The following GTPBP10 variants were observed in gnomAD, a reference collection of about 807,000 sequenced individuals.
The protein encoded by GTPBP10 is GTP-binding protein 10.
GTPBP10 carries 38 observed loss-of-function variants against 44.8 expected under a neutral mutation model. The observed-to-expected ratio is 0.85, with a 90% confidence interval of 0.65 to 1.11. The LOEUF (loss-of-function observed/expected upper bound fraction) is 1.11. GTPBP10 is among the 50% of genes most tolerant of loss of function. The probability of loss-of-function intolerance (pLI) is 0.00; values close to 1 mark genes in which losing one functional copy is unlikely to be tolerated. For missense variants in GTPBP10, 462 were observed against 453.7 expected (o/e 1.02, Z -0.17); for synonymous variants, 152 against 150.6 (o/e 1.01, Z -0.07).
intron 4 of GTPBP10, among the ~76,000 whole-genome samples, chr7:90,357,460 A>T (rs1289809675): frequency 6.6e-6 from 1 of 152,192 alleles, no homozygotes; most frequent in Non-Finnish European, 1.5e-5. Context: ...AACCTCACAT[A>T]ATTTTATTTT....
At chr7:90,349,668 A>G (rs562165728) in intron 1 of GTPBP10, among the ~76,000 whole-genome samples, 2 of 152,322 alleles carry the variant, frequency 1.3e-5, no homozygotes, top group South Asian at 2.1e-4. Context: ...TTTGCACAAT[A>G]CAGTAGGGTT....
In GTPBP10 at chr7:90,388,265, A is replaced by G. The variant is rs912199293; in HGVS notation, c.*3111A>G. On this transcript the variant is annotated 3_prime_UTR_variant, in exon 10 of 10. Coordinates refer to ENST00000222511, the MANE Select transcript of GTPBP10 (RefSeq NM_033107.4). The stretch of plus-strand genomic sequence containing the variant: ...AGTCTTTTAACATTATCTCAGATGC[A>G]TTTTATTTTGTCCTTAAGTAAGACT... 2.6e-5 allele frequency: 4 copies of G among 152,168 alleles called. No homozygotes were observed. The highest frequency in any genetic ancestry group is 6.5e-5 in the Admixed American group (1 of 15,280). The allele number at this position is 152,168 out of a possible 1,614,324, so 9.4% of individuals were successfully genotyped here.
rs1796361923 is a variant in GTPBP10, at chr7:90,377,564, G to C, written c.649G>C (p.Gly217Arg). ...IEGAHMNKGM[G>R]HKFLKHIERT... ...AGGAGCACATATGAACAAAGGAATG[G>C]GCCACAAATTCCTCAAGCATATAGA... Residue 217 changes from glycine to arginine, a missense_variant, in exon 7 of 10, where the codon GGC becomes CGC. Physicochemically the swap from Gly to Arg is moderately radical, Grantham distance 125. Coordinates refer to ENST00000222511, the MANE Select transcript of GTPBP10 (RefSeq NM_033107.4). 1 of 1,611,284 alleles carries C rather than the reference G, an allele frequency of 6.2e-7. No homozygotes were observed. The highest frequency in any genetic ancestry group is 8.5e-7 in the Non-Finnish European group (1 of 1,178,516).
intron 8 of GTPBP10, among the ~76,000 whole-genome samples, chr7:90,378,963 A>C (rs1170210927): frequency 2.0e-5 from 3 of 152,192 alleles, no homozygotes; most frequent in Non-Finnish European, 2.9e-5. Flanking sequence ...TTGGCCTCCC[A>C]GAGTGTTGGG....
chr7:90,372,357 A>G lies in GTPBP10; in HGVS notation c.538+129A>G, dbSNP rs17867280. 1,698 of 612,330 alleles carry G rather than the reference A, an allele frequency of 2.8e-3. 18 individuals carry two copies. The African/African-American group carries it at 0.028, about 10-fold the overall frequency. 37.9% of individuals were successfully genotyped at this position (612,330 alleles called of 1,614,324 possible). A position where few individuals can be genotyped will look rare whatever the true frequency, so the allele number is the denominator to read the frequency against. On this transcript the variant is annotated intron_variant, in intron 5 of 9. Coordinates refer to ENST00000222511, the MANE Select transcript of GTPBP10 (RefSeq NM_033107.4). ...CTGAAAAATTTTTGGCAGATAGACT[A>G]CTGTTGCACAGGCCAAAGTGCAGTT...
chr7:90,349,805 C>A lies in GTPBP10; in HGVS notation c.34-3011C>A, dbSNP rs79254979. On this transcript the variant is annotated intron_variant, in intron 1 of 9. Transcript: ENST00000222511. ...CAACCTGATTTGGGAGATATTCTTT[C>A]GTCTCAGTGATTTTCTTAATGGCAT... 1.6e-4 allele frequency among the ~76,000 whole-genome samples: 24 copies of A among 152,242 alleles called. No individual in the cohort carries two copies. In the East Asian group the frequency reaches 4.2e-3, roughly 27 times the overall value.
chr7:90,372,530 C>T (rs1796279447), intron 5 of GTPBP10, among the ~76,000 whole-genome samples: 1 of 137,996 alleles, frequency 7.2e-6, no homozygotes, highest in Non-Finnish European at 1.5e-5. Context: ...GTTGCCCAGG[C>T]TGGTCTTGAA....
intron 8 of GTPBP10, among the ~76,000 whole-genome samples, chr7:90,380,809 C>T (rs1796424434): frequency 6.6e-6 from 1 of 152,172 alleles, no homozygotes; most frequent in African/African-American, 2.4e-5. Context: ...CTCCCCCAAG[C>T]ACCCTGGCAA....
Position 90,346,736 on chromosome 7 carries a change from G to C in GTPBP10, c.-6G>C, listed in dbSNP as rs373514101. On this transcript the variant is annotated 5_prime_UTR_variant, in exon 1 of 10. Transcript: ENST00000222511. ...CCGCAAGAAGGTTTCCTGGCCTGTT[G>C]CAGCCATGGTGCATTGCAGTTGCGT... The C allele has an allele frequency of 7.6e-4, 1,234 of 1,614,218 alleles. 2 individuals carry two copies. The highest frequency in any genetic ancestry group is 3.3e-3 in the Middle Eastern group (20 of 6,062).
intron 6 of GTPBP10, among the ~76,000 whole-genome samples, 174 bp downstream of exon 6, chr7:90,374,528 T>C (rs927312690): frequency 1.3e-5 from 2 of 152,240 alleles, no homozygotes; most frequent in Non-Finnish European, 2.9e-5. Flanking sequence ...TATCATAATA[T>C]ATTTAATTTC....
rs1011400127 is a variant in GTPBP10 at position 90,385,237 on chromosome 7, A to G, written c.*83A>G. 4 of 980,638 alleles carry G rather than the reference A, an allele frequency of 4.1e-6. No individual in the cohort carries two copies. Among genetic ancestry groups the G allele is most frequent in the Non-Finnish European group, 5.9e-6 (4 of 681,574 alleles). 60.7% of individuals were successfully genotyped at this position (980,638 alleles called of 1,614,324 possible). ...TTTCATCTGTGACAACCTGGAGGAC[A>G]TGTTAAGTAAAATAAGCCAGGCTTA... On this transcript the variant is annotated 3_prime_UTR_variant, in exon 10 of 10. Transcript: ENST00000222511.
chr7:90,371,373 T>C (rs1796254145), intron 4 of GTPBP10: 1 of 157,246 alleles, frequency 6.4e-6, no homozygotes, highest in African/African-American at 2.4e-5. Flanking sequence ...GCCAAGCAAC[T>C]ATAAAGTAGT....
rs1481095267 is a variant in GTPBP10 at position 90,388,970 on chromosome 7, CTG to C, written c.*3818_*3819del. ...GCAACAGCACAGATGCACTTTAAAA[CTG>C]TAGCTTAAAAATAAAAATTAGTAAT... On this transcript the variant is annotated 3_prime_UTR_variant, in exon 10 of 10. Coordinates refer to ENST00000222511, the MANE Select transcript of GTPBP10 (RefSeq NM_033107.4). 3.9e-5 allele frequency: 6 copies of C among 152,272 alleles called. No homozygotes were observed. In the South Asian group the frequency reaches 1.2e-3, roughly 32 times the overall value. The allele number at this position is 152,272 out of a possible 1,614,324, so 9.4% of individuals were successfully genotyped here.
At chr7:90,362,642 A>T (rs138154983) in intron 4 of GTPBP10, among the ~76,000 whole-genome samples, 1 of 152,286 alleles carries the variant, frequency 6.6e-6, no homozygotes, top group East Asian at 1.9e-4. Flanking sequence ...GTAGATGTCT[A>T]TTAGGTCCTC....
chr7:90,355,081 T>C lies in GTPBP10; in HGVS notation c.320-5T>C, dbSNP rs551641201. On this transcript the variant is annotated splice_region_variant and splice_polypyrimidine_tract_variant and intron_variant, in intron 3 of 9. Transcript: ENST00000222511. ...GCTGTAAGTATTTCTCTCCCTCTTT[T>C]TAAGGAGAACTCAATAAAGAAAATG... The C allele has an allele frequency of 2.3e-5, 35 of 1,544,368 alleles. No individual in the cohort carries two copies. The highest frequency in any genetic ancestry group is 3.6e-4 in the Middle Eastern group (2 of 5,592).
intron 1 of GTPBP10, among the ~76,000 whole-genome samples, chr7:90,351,994 C>T (rs1446206410): frequency 6.6e-6 from 1 of 152,174 alleles, no homozygotes; most frequent in Non-Finnish European, 1.5e-5. Flanking sequence ...CTGCACTTGG[C>T]TCATAAGCAT....
intron 4 of GTPBP10, among the ~76,000 whole-genome samples, chr7:90,361,996 T>G (rs1796031564): frequency 1.3e-5 from 2 of 152,238 alleles, no homozygotes; most frequent in Non-Finnish European, 2.9e-5. Context: ...TAACTTTTTA[T>G]TGCGTCTATT....
At chr7:90,374,472 G>T in intron 6 of GTPBP10, 118 bp downstream of exon 6, 1 of 648,618 alleles carries the variant, frequency 1.5e-6, no homozygotes, top group Non-Finnish European at 2.7e-6. Context: ...AAAGTAACAA[G>T]ATTTTGTTTA....
At chr7:90,372,273 T>G (rs1796271526) in intron 5 of GTPBP10, 45 bp downstream of exon 5, 1 of 1,196,844 alleles carries the variant, frequency 8.4e-7, no homozygotes, top group African/African-American at 1.5e-5. Context: ...GAGGTAAACT[T>G]TTAAAGACTA....
Sources: allele counts gnomAD v4.1 joint callset (sites outside exome capture counted in the v4.1 genomes callset), GRCh38; gene constraint gnomAD v4.1.1; transcripts MANE v1.5; gene names NCBI Gene and HGNC (gene_info 2026-07-23, HGNC 2026-07-21).